Variants in ANKRD27 observed in about 807,000 individuals in gnomAD.
ANKRD27 encodes the protein ankyrin repeat domain 27, also known as ankyrin repeat domain-containing protein 27.
A neutral mutation model predicts 129.7 loss-of-function variants in ANKRD27; 112 were observed. That is an observed-to-expected ratio of 0.86 (90% confidence interval 0.74 to 1.01). The LOEUF is 1.01. Among genes scored for constraint, ANKRD27 ranks in the 50% least tolerant of loss-of-function variants. ANKRD27 has a pLI of 0.00. For missense variants in ANKRD27, 1,258 were observed against 1,300.5 expected (o/e 0.97, Z 0.50); for synonymous variants, 516 against 511.2 (o/e 1.01, Z -0.13).
At chr19:32,661,287 T>G (rs1047064693) in intron 1 of ANKRD27, among the ~76,000 whole-genome samples, 1 of 152,012 alleles carries the variant, frequency 6.6e-6, no homozygotes, top group Non-Finnish European at 1.5e-5. Context: ...TAACTTGCTT[T>G]TTCATTTTGT....
At chr19:32,620,043 T>A (rs554795816) in intron 18 of ANKRD27, among the ~76,000 whole-genome samples, 2 of 151,974 alleles carry the variant, frequency 1.3e-5, no homozygotes, top group Non-Finnish European at 2.9e-5. Context: ...GCCACGGCAA[T>A]AGAACCCTCC....
intron 18 of ANKRD27, 149 bp downstream of exon 18, chr19:32,622,273 T>C (rs1972021851): frequency 2.4e-6 from 2 of 817,666 alleles, no homozygotes; most frequent in African/African-American, 1.7e-5. Context: ...AACCCATTAA[T>C]GATGACGTCC....
At chr19:32,674,106 A>G (rs1306955099) in intron 1 of ANKRD27, among the ~76,000 whole-genome samples, 1 of 152,130 alleles carries the variant, frequency 6.6e-6, no homozygotes, top group Admixed American at 6.6e-5. Flanking sequence ...GCAATGAGCT[A>G]TGATGGCATC....
intron 22 of ANKRD27, among the ~76,000 whole-genome samples, chr19:32,612,333 T>C (rs979091839): frequency 2.0e-5 from 3 of 152,244 alleles, no homozygotes; most frequent in African/African-American, 7.2e-5. Flanking sequence ...ATGTAATTCC[T>C]ATCAAAATCC....
chr19:32,674,461 C>T (rs1423876088), intron 1 of ANKRD27, among the ~76,000 whole-genome samples: 2 of 152,162 alleles, frequency 1.3e-5, no homozygotes, highest in African/African-American at 4.8e-5. Context: ...GGCTCGTGTG[C>T]TCCTGGGCAG....
rs1035995730 is a variant in ANKRD27, at chr19:32,598,282, G to T, written c.3016C>A (p.Pro1006Thr). 11 of 1,614,050 alleles carry T rather than the reference G, an allele frequency of 6.8e-6. No individual in the cohort carries two copies. The highest frequency in any genetic ancestry group is 2.7e-5 in the African/African-American group (2 of 74,902). ...EKGNSDWPER[P>T]GLTQTGPGHR... ...CCAGGGCCAGTCTGTGTCAGTCCAG[G>T]CCTCTCTGGCCAGTCGCTGTTGCCT... is the stretch of plus-strand genomic sequence containing the variant. The change falls in exon 29 of 29, where the codon CCT becomes ACT. Residue 1006 changes from proline (P) to threonine (T), a missense_variant. Pro to Thr is a conservative substitution (Grantham distance 38, BLOSUM62 -1). Transcript: ENST00000306065.
intron 13 of ANKRD27, among the ~76,000 whole-genome samples, chr19:32,629,623 C>T (rs1238608753): frequency 6.6e-6 from 1 of 152,060 alleles, no homozygotes; most frequent in African/African-American, 2.4e-5. Flanking sequence ...TCACTTGAAC[C>T]CGGGAGATGG....
rs138595556 is a variant in ANKRD27 at position 32,648,207 on chromosome 19, A to C, written c.213+1475T>G. 3.5e-3 allele frequency among the ~76,000 whole-genome samples: 526 copies of C among 152,210 alleles called. 14 individuals carry two copies. The South Asian group carries it at 0.061, about 18-fold the overall frequency. ...CTTGAACCTGGGAGGCGCAGGTTGC[A>C]GTGAGCTGAGATCAAGCTACTGCAC... On this transcript the variant is annotated intron_variant, in intron 3 of 28. Transcript: ENST00000306065.
chr19:32,617,064 G>A (rs993640215), intron 21 of ANKRD27, among the ~76,000 whole-genome samples: 7 of 152,112 alleles, frequency 4.6e-5, no homozygotes, highest in African/African-American at 7.2e-5. Context: ...GCCCACACTC[G>A]CTATGTGCCT....
chr19:32,646,492 T>G lies in ANKRD27; in HGVS notation c.337A>C (p.Ile113Leu). Reference protein sequence around the residue: ...EKEESFSILCIAHPLEKRESS... With the variant: ...EKEESFSILCLAHPLEKRESS... Reference sequence around the variant, plus strand: ...TCTCTCTTTTCCAAAGGATGGGCTATACACAGGATGCTGAAACTCTCTTCT... The same window carrying G: ...TCTCTCTTTTCCAAAGGATGGGCTAGACACAGGATGCTGAAACTCTCTTCT... Residue 113 changes from isoleucine (I) to leucine (L), a missense_variant, in exon 4 of 29, where the codon ATA becomes CTA. Transcript: ENST00000306065. 1 of 1,614,194 alleles carries G rather than the reference T, an allele frequency of 6.2e-7. No individual in the cohort carries two copies.
intron 18 of ANKRD27, among the ~76,000 whole-genome samples, chr19:32,620,379 T>C (rs1971990485): frequency 6.7e-6 from 1 of 149,506 alleles, no homozygotes; most frequent in Admixed American, 6.7e-5. Context: ...GCCAACATGA[T>C]GAAACCCCAT....
chr19:32,632,655 A>G (rs1006646978), intron 12 of ANKRD27, among the ~76,000 whole-genome samples: 10 of 152,056 alleles, frequency 6.6e-5, no homozygotes, highest in African/African-American at 2.4e-4. Context: ...CATTTCTCGC[A>G]AGACAGTTCA....
intron 14 of ANKRD27, 97 bp from the exon 15 acceptor site, chr19:32,628,262 G>A (rs931439082): frequency 1.4e-5 from 14 of 1,008,368 alleles, no homozygotes; most frequent in Admixed American, 2.0e-5. Context: ...GACAGAAGGC[G>A]GCTCACAGGA....
intron 1 of ANKRD27, among the ~76,000 whole-genome samples, chr19:32,668,178 G>T (rs1307633261): frequency 1.3e-5 from 2 of 151,928 alleles, no homozygotes; most frequent in Non-Finnish European, 2.9e-5. Flanking sequence ...TATGAGTTGG[G>T]GTCTCACTCT....
At chr19:32,608,592 CACACATGTGCACATACAT>C in intron 22 of ANKRD27, 1 of 196,772 alleles carries the variant, frequency 5.1e-6, no homozygotes, top group South Asian at 7.4e-5. Flanking sequence ...AGCTGGAAAA[CACACATGTGCACATACAT>C]ACACACACTA....
chr19:32,672,288 AAGC>A lies in ANKRD27; in HGVS notation c.-31+2780_-31+2782del, dbSNP rs1780373684. On this transcript the variant is annotated intron_variant, in intron 1 of 28. Coordinates refer to ENST00000306065, the MANE Select transcript of ANKRD27 (RefSeq NM_032139.3). ...ATTCATCTATTTTTCACACCAATGG[AAGC>A]AATGTGGTGATGTATGTATGCTGTT... 7.2e-5 allele frequency among the ~76,000 whole-genome samples: 11 copies of A among 152,370 alleles called. No individual in the cohort carries two copies. In the South Asian group the frequency reaches 2.3e-3, roughly 32 times the overall value.
chr19:32,620,885 CAAAAAAA>C (rs746859989), intron 18 of ANKRD27, among the ~76,000 whole-genome samples: 19 of 75,302 alleles, frequency 2.5e-4, no homozygotes, highest in South Asian at 5.3e-4. Flanking sequence ...AACCTTGTCT[CAAAAAAA>C]AAAAAAAAAA....
At position 32,644,317 on chromosome 19, in the gene ANKRD27, C is replaced by CT; in HGVS notation, c.525+7dup. On this transcript the variant is annotated splice_region_variant and intron_variant, in intron 5 of 28. Coordinates refer to ENST00000306065, the MANE Select transcript of ANKRD27 (RefSeq NM_032139.3). ...GCACGCCAGGCAGAGGACAGCACGG[C>CT]TACTGACTATGTGGTGACGGAGGCT... 1 of 1,611,072 alleles carries CT rather than the reference C, an allele frequency of 6.2e-7. No individual in the cohort carries two copies. Among genetic ancestry groups the CT allele is most frequent in the Non-Finnish European group, 8.5e-7 (1 of 1,178,590 alleles).
At chr19:32,607,317 T>A (rs1971758894) in intron 23 of ANKRD27, among the ~76,000 whole-genome samples, 1 of 152,180 alleles carries the variant, frequency 6.6e-6, no homozygotes, top group East Asian at 1.9e-4. Flanking sequence ...GGTGGTAAGA[T>A]GACCATGGGG....
Sources: gnomAD v4.1 joint callset for allele counts (sites outside exome capture counted in the v4.1 genomes callset) on GRCh38, gnomAD v4.1.1 for gene constraint, MANE v1.5 for transcripts, NCBI Gene and HGNC (gene_info 2026-07-23, HGNC 2026-07-21) for gene names.